Variants in BMS1 observed in about 807,000 individuals in gnomAD.
BMS1 encodes the protein BMS1 ribosome biogenesis factor, also known as ribosome biogenesis protein BMS1 homolog.
BMS1 carries 53 observed loss-of-function variants against 138.7 expected under a neutral mutation model. That is an observed-to-expected ratio of 0.38 (90% CI 0.31 to 0.48). The LOEUF (loss-of-function observed/expected upper bound fraction) is 0.48, where lower values mean the gene tolerates loss of function less well. Ranked by LOEUF, BMS1 falls within the 20% of genes least tolerant of loss-of-function variation. BMS1 has a pLI of 0.97. For synonymous variants in BMS1, 504 were observed against 539.9 expected (o/e 0.93, Z 0.92); for missense variants, 1,360 against 1,565.5 (o/e 0.87, Z 2.22).
At chr10:42,823,582 G>C in intron 20 of BMS1, 27 bp from the exon 21 acceptor site, 1 of 1,491,274 alleles carries the variant, frequency 6.7e-7, no homozygotes, top group Non-Finnish European at 8.9e-7. Flanking sequence ...TTTTGAAAAT[G>C]TTAAAGTAAA....
At chr10:42,810,529 C>T (rs1014731018) in intron 13 of BMS1, among the ~76,000 whole-genome samples, 3 of 152,210 alleles carry the variant, frequency 2.0e-5, no homozygotes, top group African/African-American at 7.2e-5. Context: ...AAATGAGTTG[C>T]AAAGTGTCCC....
intron 8 of BMS1, 25 bp downstream of exon 8, chr10:42,793,169 C>A (rs746550626): frequency 6.4e-7 from 1 of 1,558,990 alleles, no homozygotes; most frequent in Admixed American, 2.0e-5. Flanking sequence ...GGAGTCATTT[C>A]TCTGAACTTT....
chr10:42,817,866 CA>C (rs1466069684), intron 15 of BMS1, among the ~76,000 whole-genome samples: 1 of 152,180 alleles, frequency 6.6e-6, no homozygotes, highest in Non-Finnish European at 1.5e-5. Context: ...ATTTGAATGG[CA>C]GGTGATCAGT....
At position 42,823,316 on chromosome 10, in the gene BMS1, C is replaced by G. The variant is rs370615524; in HGVS notation, c.3280+51C>G. On this transcript the variant is annotated intron_variant, in intron 20 of 22. Coordinates refer to ENST00000374518, the MANE Select transcript of BMS1 (RefSeq NM_014753.4). The stretch of plus-strand genomic sequence containing the variant: ...GCAGGGTGTTACCATTCATGCTTGA[C>G]TTCTAGCCAGTGTGACGAGAGGCTG... The G allele has an allele frequency of 6.5e-5, 98 of 1,497,188 alleles. No homozygotes were observed. In the African/African-American group the frequency reaches 1.1e-3, roughly 17 times the overall value. 92.7% of individuals were successfully genotyped at this position (1,497,188 alleles called of 1,614,324 possible). A position where few individuals can be genotyped will look rare whatever the true frequency, so the allele number is the denominator to read the frequency against.
Position 42,798,471 on chromosome 10 carries a change from CAG to C in BMS1, c.2095_2096del (p.Glu699ArgfsTer2). 2 of 1,614,122 alleles carry C rather than the reference CAG, an allele frequency of 1.2e-6. No homozygotes were observed. The highest frequency in any genetic ancestry group is 1.7e-6 in the Non-Finnish European group (2 of 1,180,022). ...TCTGCCATGGTGTGCTCTTTAGTGA[CAG>C]AAGATAATGAAGAAGAAGATGATGA... On this transcript the variant is annotated frameshift_variant, in exon 12 of 23. Transcript: ENST00000374518. LOFTEE classifies it high-confidence loss of function.
chr10:42,802,060 C>T (rs1340918858), intron 12 of BMS1, 77 bp from the exon 13 acceptor site: 1 of 1,103,670 alleles, frequency 9.1e-7, no homozygotes, highest in Non-Finnish European at 1.3e-6. Context: ...GGCAAGTTGT[C>T]ACCTACTGCC....
At chr10:42,813,952 G>GT (rs1350392891) in intron 13 of BMS1, among the ~76,000 whole-genome samples, 7 of 151,772 alleles carry the variant, frequency 4.6e-5, no homozygotes, top group South Asian at 2.1e-4. Context: ...TCTTTGGTTG[G>GT]TTTTTTTTAA....
chr10:42,826,100 A>G (rs868847145), intron 21 of BMS1, among the ~76,000 whole-genome samples: 2 of 152,248 alleles, frequency 1.3e-5, no homozygotes, highest in Non-Finnish European at 2.9e-5. Context: ...CCAGCCTTGC[A>G]TGCCAGGGAT....
intron 15 of BMS1, 80 bp downstream of exon 15, chr10:42,817,574 A>G (rs1042819492): frequency 8.0e-6 from 11 of 1,383,632 alleles, no homozygotes; most frequent in African/African-American, 1.5e-5. Flanking sequence ...TTGGGTCCCT[A>G]CGTCCTATCC....
chr10:42,829,946 A>G (rs1267069882), intron 21 of BMS1, among the ~76,000 whole-genome samples: 1 of 152,262 alleles, frequency 6.6e-6, no homozygotes, highest in African/African-American at 2.4e-5. Flanking sequence ...TGAAATTTCC[A>G]TGAAAAGAAA....
intron 9 of BMS1, among the ~76,000 whole-genome samples, chr10:42,795,444 C>A (rs902460204): frequency 6.6e-6 from 1 of 151,828 alleles, no homozygotes; most frequent in Non-Finnish European, 1.5e-5. Context: ...TTCAGCCCCC[C>A]AAGTAGCTGG....
intron 13 of BMS1, among the ~76,000 whole-genome samples, chr10:42,809,732 G>A (rs769134383): frequency 6.6e-6 from 1 of 152,094 alleles, no homozygotes; most frequent in Admixed American, 6.6e-5. Context: ...GGTGTCAGTT[G>A]ATATGATCAT....
chr10:42,793,234 T>C (rs1841570965), intron 8 of BMS1, 90 bp downstream of exon 8: 2 of 1,342,764 alleles, frequency 1.5e-6, no homozygotes, highest in Middle Eastern at 2.1e-4. Flanking sequence ...ACTCAGCTTT[T>C]ATTTATTGAA....
At chr10:42,806,713 C>T (rs1441497611) in intron 13 of BMS1, among the ~76,000 whole-genome samples, 4 of 137,110 alleles carry the variant, frequency 2.9e-5, no homozygotes, top group Admixed American at 8.2e-5. Flanking sequence ...CCAGCCTGGG[C>T]GACAGCACGA....
At chr10:42,816,545 A>C in intron 13 of BMS1, 54 bp from the exon 14 acceptor site, 1 of 1,480,942 alleles carries the variant, frequency 6.8e-7, no homozygotes, top group East Asian at 2.3e-5. Context: ...AGGTGGGGCC[A>C]GCAGCACATG....
At position 42,796,474 on chromosome 10, in the gene BMS1, G is replaced by A. The variant is rs1300353701; in HGVS notation, c.1230G>A (p.Gly410=). The change falls in exon 10 of 23, where the codon GGG becomes GGA. Residue 410 remains glycine, a splice_region_variant and synonymous_variant. Coordinates refer to ENST00000374518, the MANE Select transcript of BMS1 (RefSeq NM_014753.4). ...PLGSEDIDNQ[G]LMMPKEEKQM... The stretch of plus-strand genomic sequence containing the variant: ...ATTTTGTATTTCCTTGGTAATACAG[G>A]CTAATGATGCCAAAGGAGGAAAAAC... 1.9e-6 allele frequency: 3 copies of A among 1,610,288 alleles called. No individual in the cohort carries two copies. Among genetic ancestry groups the A allele is most frequent in the Non-Finnish European group, 8.5e-7 (1 of 1,176,948 alleles).
rs186311676 is a variant in BMS1, at chr10:42,788,480, T to G, written c.447+1233T>G. Among the ~76,000 whole-genome samples the G allele has an allele frequency of 3.2e-3, 481 of 152,294 alleles. 6 individuals carry two copies. Among genetic ancestry groups the G allele is most frequent in the African/African-American group, 0.01 (427 of 41,570 alleles). ...TTAGGATATCCATCACCTCAAACAT[T>G]TATCATTTTTTTGTGTTAGGAACAT... On this transcript the variant is annotated intron_variant, in intron 4 of 22. Transcript: ENST00000374518.
chr10:42,832,858 A>G lies in BMS1; in HGVS notation c.*1762A>G, dbSNP rs1468238957. On this transcript the variant is annotated 3_prime_UTR_variant, in exon 23 of 23. Coordinates refer to ENST00000374518, the MANE Select transcript of BMS1 (RefSeq NM_014753.4). ...CTGGGGACTGACACATAGTAAGCCCATAACAATTATAATTTAAAACTAATT... is the reference window on the plus strand; with the variant it reads ...CTGGGGACTGACACATAGTAAGCCCGTAACAATTATAATTTAAAACTAATT... 6.6e-6 allele frequency: 1 copy of G among 152,222 alleles called. No individual in the cohort carries two copies. Among genetic ancestry groups the G allele is most frequent in the East Asian group, 1.9e-4 (1 of 5,204 alleles). 9.4% of individuals were successfully genotyped at this position (152,222 alleles called of 1,614,324 possible).
intron 7 of BMS1, 35 bp from the exon 8 acceptor site, chr10:42,792,922 T>C (rs369070341): frequency 6.3e-6 from 10 of 1,589,900 alleles, no homozygotes; most frequent in Non-Finnish European, 8.6e-6. Context: ...TGACTTCTTG[T>C]CAGCTGAAGC....
Sources: allele counts gnomAD v4.1 joint callset (sites outside exome capture counted in the v4.1 genomes callset), GRCh38; gene constraint gnomAD v4.1.1; transcripts MANE v1.5; gene names NCBI Gene and HGNC (gene_info 2026-07-23, HGNC 2026-07-21).